LOC128125822: variants seen among roughly 807,000 people sequenced by gnomAD.
chr6:63,572,814 C>T, the LOC128125822 span: 3 of 396,572 alleles, frequency 7.6e-6, no homozygotes, highest in Admixed American at 1.3e-4. Context: ...GGCGTCTCCT[C>T]CAGGTTGCCC....
At chr6:63,578,638 C>A in the LOC128125822 span, 1 of 1,396,870 alleles carries the variant, frequency 7.2e-7, no homozygotes, top group Non-Finnish European at 9.5e-7. Flanking sequence ...CCTCAAAAAG[C>A]TAAAAACAAA....
At chr6:63,579,043 C>A in the LOC128125822 span, 2 of 1,553,244 alleles carry the variant, frequency 1.3e-6, no homozygotes, top group Non-Finnish European at 1.7e-6. Flanking sequence ...ATGAATTTAT[C>A]AATTTGATTC....
chr6:63,580,768 A>G, the LOC128125822 span: 1 of 148,994 alleles, frequency 6.7e-6, no homozygotes, highest in African/African-American at 2.5e-5. Flanking sequence ...TGATTATTTT[A>G]CGTGTTTCCA....
the LOC128125822 span, among the ~76,000 whole-genome samples, chr6:63,574,834 T>C: frequency 6.6e-6 from 1 of 152,200 alleles, no homozygotes; most frequent in Admixed American, 6.5e-5. Flanking sequence ...TATAATGAAA[T>C]TATTTTCAGA....
At chr6:63,574,646 A>G in the LOC128125822 span, among the ~76,000 whole-genome samples, 1 of 152,188 alleles carries the variant, frequency 6.6e-6, no homozygotes, top group Non-Finnish European at 1.5e-5. Flanking sequence ...AAATATGGAA[A>G]TAGTGGTGTG....
chr6:63,576,681 T>G, the LOC128125822 span: 1 of 584,836 alleles, frequency 1.7e-6, no homozygotes, highest in Non-Finnish European at 3.0e-6. Flanking sequence ...TCTGTTGGCC[T>G]CAGTATTACT....
the LOC128125822 span, among the ~76,000 whole-genome samples, chr6:63,575,134 G>A: frequency 1.3e-5 from 2 of 152,090 alleles, no homozygotes; most frequent in Non-Finnish European, 2.9e-5. Flanking sequence ...AACTAGCATG[G>A]GACTATTTAA....
the LOC128125822 span, among the ~76,000 whole-genome samples, chr6:63,579,516 T>TTG: frequency 6.6e-6 from 1 of 152,274 alleles, no homozygotes; most frequent in East Asian, 1.9e-4. Flanking sequence ...ACTAAGATTC[T>TTG]AATCCAACAA....
chr6:63,572,535 G>C, the LOC128125822 span: 1 of 393,714 alleles, frequency 2.5e-6, no homozygotes, highest in East Asian at 3.6e-5. Context: ...TACGCGCTCT[G>C]CTCCGAGCCG....
chr6:63,576,293 G>T, the LOC128125822 span: 1 of 379,660 alleles, frequency 2.6e-6, no homozygotes. Context: ...CTTGAGTTTT[G>T]CAATTCAAGT....
the LOC128125822 span, among the ~76,000 whole-genome samples, chr6:63,574,316 C>T: frequency 6.6e-6 from 1 of 152,182 alleles, no homozygotes; most frequent in East Asian, 1.9e-4. Flanking sequence ...ACTCTTTCCT[C>T]CTCTCCCTTC....
chr6:63,578,085 C>T, the LOC128125822 span, among the ~76,000 whole-genome samples: 1 of 152,040 alleles, frequency 6.6e-6, no homozygotes, highest in African/African-American at 2.4e-5. Flanking sequence ...TTACCTTTGT[C>T]TGCATTGCTG....
chr6:63,583,007 T>C, the LOC128125822 span: 2 of 152,182 alleles, frequency 1.3e-5, no homozygotes, highest in African/African-American at 2.4e-5. Context: ...GTCATATTCA[T>C]CTGGTAAATA....
chr6:63,581,266 A>G, the LOC128125822 span: 1 of 152,492 alleles, frequency 6.6e-6, no homozygotes, highest in Non-Finnish European at 1.5e-5. Flanking sequence ...GATACTTGAC[A>G]ATTTGTTTTA....
the LOC128125822 span, chr6:63,572,630 C>T: frequency 2.4e-6 from 1 of 421,154 alleles, no homozygotes; most frequent in Non-Finnish European, 4.1e-6. Flanking sequence ...CCGCCTCCTG[C>T]CCTGCAGCCA....
the LOC128125822 span, among the ~76,000 whole-genome samples, chr6:63,574,001 C>T: frequency 6.6e-6 from 1 of 152,124 alleles, no homozygotes; most frequent in East Asian, 1.9e-4. Context: ...GGTTTTTTAT[C>T]TTCTGTCCGC....
the LOC128125822 span, chr6:63,572,786 C>G: frequency 1.0e-5 from 4 of 397,864 alleles, no homozygotes; most frequent in Admixed American, 4.4e-5. Context: ...TCCCCGCTGT[C>G]GCCTTTGTTC....
chr6:63,580,518 A>T, the LOC128125822 span: 2 of 187,928 alleles, frequency 1.1e-5, no homozygotes, highest in South Asian at 1.2e-4. Flanking sequence ...TAGGAAGATT[A>T]GGTGCCAAAA....
the LOC128125822 span, chr6:63,579,457 A>C: frequency 9.7e-6 from 6 of 619,390 alleles, no homozygotes; most frequent in Non-Finnish European, 1.5e-5. Context: ...TAAAACCAGG[A>C]AATCAAGATC....
Sources: allele counts gnomAD v4.1 joint callset (sites outside exome capture counted in the v4.1 genomes callset), GRCh38; gene constraint gnomAD v4.1.1; transcripts MANE v1.5.